Variants in PTPRD observed in about 807,000 individuals in gnomAD.
The protein encoded by PTPRD is receptor-type tyrosine-protein phosphatase delta.
A neutral mutation model predicts 214.5 loss-of-function variants in PTPRD; 34 were observed. The ratio of observed to expected loss-of-function variants is 0.16; its 90% CI spans 0.12 to 0.21. The LOEUF (loss-of-function observed/expected upper bound fraction) is 0.21, where lower values mean the gene tolerates loss of function less well. Ranked by LOEUF, PTPRD falls within the 10% of genes least tolerant of loss-of-function variation. The pLI is 1.00. For synonymous variants in PTPRD, 1,128 were observed against 845.7 expected, an observed-to-expected ratio of 1.33 and a Z score of -5.79; for missense variants, 2,545 against 2,398.7, an observed-to-expected ratio of 1.06 and a Z score of -1.27.
chr9:9,210,878 A>G (rs1449393133), intron 9 of PTPRD, among the ~76,000 whole-genome samples: 4 of 151,678 alleles, frequency 2.6e-5, no homozygotes, highest in Non-Finnish European at 5.9e-5. Flanking sequence ...TTTCTCTTCA[A>G]TAGAAACCAG....
intron 5 of PTPRD, among the ~76,000 whole-genome samples, chr9:9,835,589 A>G (rs2056519080): frequency 6.6e-6 from 1 of 152,150 alleles, no homozygotes; most frequent in Admixed American, 6.6e-5. Flanking sequence ...CAAGCAGCTC[A>G]TCTTCTTTTG....
In PTPRD at chr9:9,948,447, A is replaced by C. The variant is rs185148528; in HGVS notation, c.-471-9837T>G. On this transcript the variant is annotated intron_variant, in intron 4 of 45. Transcript: ENST00000381196. ...GCCTGAAAAAGAATAAGTCTTACTG[A>C]ATCTTTGGCAAATAAATGGCAGGTG... Among the ~76,000 whole-genome samples, 152 of 152,222 alleles carry C rather than the reference A, an allele frequency of 1.0e-3. 2 individuals are homozygous for C. The highest frequency in any genetic ancestry group is 2.4e-4 in the Non-Finnish European group (16 of 67,976).
intron 5 of PTPRD, among the ~76,000 whole-genome samples, chr9:9,785,853 T>G (rs1215637402): frequency 6.6e-6 from 1 of 152,128 alleles, no homozygotes; most frequent in Non-Finnish European, 1.5e-5. Context: ...GGTACCATTT[T>G]TGCACAATTC....
At chr9:8,832,082 T>G (rs1223264991) in intron 11 of PTPRD, among the ~76,000 whole-genome samples, 2 of 147,862 alleles carry the variant, frequency 1.4e-5, no homozygotes, top group African/African-American at 5.1e-5. Flanking sequence ...CAGTAGCCGG[T>G]GATTTAAATA....
chr9:9,598,675 C>T (rs1237884976), intron 7 of PTPRD, among the ~76,000 whole-genome samples: 3 of 151,998 alleles, frequency 2.0e-5, no homozygotes, highest in East Asian at 1.9e-4. Flanking sequence ...AATTTATATC[C>T]TATTTTTTCA....
At chr9:8,920,333 T>C (rs2098818740) in intron 11 of PTPRD, among the ~76,000 whole-genome samples, 2 of 151,084 alleles carry the variant, frequency 1.3e-5, no homozygotes, top group African/African-American at 4.9e-5. Flanking sequence ...AGAGTGAGAC[T>C]CCAAAAAAAA....
chr9:9,238,998 T>C (rs1594293429), intron 9 of PTPRD, among the ~76,000 whole-genome samples: 1 of 152,138 alleles, frequency 6.6e-6, no homozygotes, highest in African/African-American at 2.4e-5. Flanking sequence ...GTCTAAAATC[T>C]AGCCCACAGC....
At chr9:9,830,874 T>TA (rs2054599383) in intron 5 of PTPRD, among the ~76,000 whole-genome samples, 1 of 151,646 alleles carries the variant, frequency 6.6e-6, no homozygotes, top group South Asian at 2.1e-4. Context: ...ACTTAATTAT[T>TA]TTTTTTTACT....
intron 11 of PTPRD, among the ~76,000 whole-genome samples, chr9:8,876,761 T>C (rs1273384955): frequency 6.6e-6 from 1 of 152,212 alleles, no homozygotes; most frequent in Non-Finnish European, 1.5e-5. Flanking sequence ...AAGAACTTGT[T>C]TTCCATATTT....
chr9:9,215,036 A>T (rs2099951253), intron 9 of PTPRD, among the ~76,000 whole-genome samples: 1 of 152,214 alleles, frequency 6.6e-6, no homozygotes, highest in African/African-American at 2.4e-5. Context: ...GTTCAAATGC[A>T]GTGCTACTGT....
intron 11 of PTPRD, among the ~76,000 whole-genome samples, chr9:8,894,861 A>G (rs1263065852): frequency 6.6e-6 from 1 of 152,076 alleles, no homozygotes; most frequent in Non-Finnish European, 1.5e-5. Context: ...AACTTAAATT[A>G]AGAATTACAA....
chr9:8,319,149 A>T (rs1304282080), intron 45 of PTPRD, among the ~76,000 whole-genome samples: 2 of 152,108 alleles, frequency 1.3e-5, no homozygotes. Flanking sequence ...TCCGTCTGAA[A>T]GATACTGTGG....
intron 6 of PTPRD, among the ~76,000 whole-genome samples, chr9:9,763,950 T>G (rs1301081594): frequency 6.6e-6 from 1 of 152,142 alleles, no homozygotes; most frequent in Non-Finnish European, 1.5e-5. Flanking sequence ...TTCCTCATTT[T>G]TTAAAATATA....
intron 9 of PTPRD, among the ~76,000 whole-genome samples, chr9:9,213,058 C>G (rs2132942198): frequency 6.6e-6 from 1 of 152,214 alleles, no homozygotes; most frequent in Non-Finnish European, 1.5e-5. Context: ...AACATGATTA[C>G]TTATTAAATG....
chr9:10,355,034 A>G (rs1465270228), intron 2 of PTPRD, among the ~76,000 whole-genome samples: 2 of 152,216 alleles, frequency 1.3e-5, no homozygotes, highest in East Asian at 3.8e-4. Context: ...TAAATAAATT[A>G]TTCAGAAAAT....
At chr9:8,471,254 A>T (rs1185316892) in intron 30 of PTPRD, among the ~76,000 whole-genome samples, 169 bp from the exon 31 acceptor site, 1 of 152,120 alleles carries the variant, frequency 6.6e-6, no homozygotes, top group Non-Finnish European at 1.5e-5. Flanking sequence ...TCAATTTTAA[A>T]AACAACACGG....
intron 7 of PTPRD, among the ~76,000 whole-genome samples, chr9:9,641,036 C>G (rs2095926919): frequency 1.0e-5 from 1 of 99,404 alleles, no homozygotes; most frequent in South Asian, 3.6e-4. Context: ...GCAGAAATTA[C>G]TAATGATTTT....
intron 11 of PTPRD, among the ~76,000 whole-genome samples, chr9:8,974,646 G>A (rs374033707): frequency 2.6e-5 from 4 of 151,896 alleles, no homozygotes; most frequent in Non-Finnish European, 5.9e-5. Flanking sequence ...TACTGCTTAC[G>A]TTTATTAATC....
intron 9 of PTPRD, among the ~76,000 whole-genome samples, chr9:9,230,504 T>A (rs2099962435): frequency 6.6e-6 from 1 of 152,148 alleles, no homozygotes; most frequent in African/African-American, 2.4e-5. Flanking sequence ...AATTTATAGC[T>A]AGTCCATCAG....
Sources: gnomAD v4.1 joint callset for allele counts (sites outside exome capture counted in the v4.1 genomes callset) on GRCh38, gnomAD v4.1.1 for gene constraint, MANE v1.5 for transcripts, NCBI Gene and HGNC (gene_info 2026-07-23, HGNC 2026-07-21) for gene names.